CNGA1: variants seen among roughly 807,000 people sequenced by gnomAD.
CNGA1 encodes the protein cyclic nucleotide-gated channel alpha-1.
In CNGA1, 53 loss-of-function variants were observed where a neutral mutation model predicts 69.7. The ratio of observed to expected loss-of-function variants is 0.76; its 90% CI spans 0.61 to 0.96. The LOEUF (loss-of-function observed/expected upper bound fraction) is 0.96. Among genes scored for constraint, CNGA1 ranks in the 40% least tolerant of loss-of-function variants. The probability of loss-of-function intolerance (pLI) is 0.00; values close to 1 mark genes in which losing one functional copy is unlikely to be tolerated. For synonymous variants in CNGA1, 249 were observed against 283.5 expected, an observed-to-expected ratio of 0.88 and a Z score of 1.22; for missense variants, 739 against 811.2, an observed-to-expected ratio of 0.91 and a Z score of 1.08.
rs1972883 is a variant in CNGA1, at chr4:47,949,928, G to A, written c.225-33C>T. ...ATGAAAAACATGCAGTGAAATCACAGTAGTCACCATCTGTATAATGTCCAT... is the reference window on the plus strand; with the variant it reads ...ATGAAAAACATGCAGTGAAATCACAATAGTCACCATCTGTATAATGTCCAT... On this transcript the variant is annotated intron_variant, in intron 5 of 10. Coordinates refer to ENST00000514170, the MANE Select transcript of CNGA1 (RefSeq NM_001379270.1). 1,309,632 of 1,604,472 alleles carry A rather than the reference G, an allele frequency of 0.82. 536,713 individuals carry two copies. Among genetic ancestry groups the A allele is most frequent in the East Asian group, 0.97 (43,620 of 44,816 alleles).
At chr4:48,010,945 AAC>A (rs1455314109) in intron 1 of CNGA1, 52 bp from the exon 2 acceptor site, 1 of 152,358 alleles carries the variant, frequency 6.6e-6, no homozygotes, top group Non-Finnish European at 1.5e-5. Context: ...AATAGAGTGA[AAC>A]ACAGTGAAAA....
chr4:47,943,000 G>A, intron 8 of CNGA1, 181 bp downstream of exon 8: 1 of 523,688 alleles, frequency 1.9e-6, no homozygotes, highest in South Asian at 2.8e-5. Context: ...ATTGGAAAAA[G>A]TTTTAATTCA....
At chr4:47,943,558 T>C in intron 6 of CNGA1, 146 bp from the exon 7 acceptor site, 1 of 525,428 alleles carries the variant, frequency 1.9e-6, no homozygotes, top group Non-Finnish European at 3.3e-6. Flanking sequence ...TGGAGGTTTC[T>C]ACCCCAAAAA....
intron 2 of CNGA1, among the ~76,000 whole-genome samples, chr4:48,004,700 A>G (rs1398268166): frequency 1.3e-5 from 2 of 152,210 alleles, no homozygotes; most frequent in African/African-American, 4.8e-5. Context: ...GAAAATGCAT[A>G]TAGGCCACAC....
chr4:47,938,706 G>A (rs1230549334), intron 10 of CNGA1, among the ~76,000 whole-genome samples: 3 of 151,880 alleles, frequency 2.0e-5, no homozygotes, highest in African/African-American at 7.3e-5. Context: ...TCCATCTTTT[G>A]TTGTGGTATT....
At chr4:48,010,025 T>C (rs3113880) in intron 2 of CNGA1, among the ~76,000 whole-genome samples, 26,684 of 152,096 alleles carry the variant, frequency 0.18, 2,523 homozygotes, top group Middle Eastern at 0.24. Context: ...TTTTCTATCT[T>C]AGACTTTCAG....
chr4:47,991,522 T>C (rs1261795274), intron 2 of CNGA1, among the ~76,000 whole-genome samples: 1 of 152,240 alleles, frequency 6.6e-6, no homozygotes, highest in Non-Finnish European at 1.5e-5. Flanking sequence ...TGTTTGTTTT[T>C]TTCTTGCTGA....
chr4:47,943,456 C>T (rs1444574245), intron 6 of CNGA1, 44 bp from the exon 7 acceptor site: 1 of 1,186,454 alleles, frequency 8.4e-7, no homozygotes, highest in African/African-American at 1.6e-5. Context: ...CACAGTCTTC[C>T]ACTCTTATTT....
intron 2 of CNGA1, among the ~76,000 whole-genome samples, chr4:48,007,682 T>G (rs1260629348): frequency 2.0e-5 from 3 of 151,814 alleles, no homozygotes; most frequent in African/African-American, 4.8e-5. Context: ...AAAAAAAAAT[T>G]TAATCTCAGT....
At chr4:47,981,660 G>A (rs1741720229) in intron 2 of CNGA1, 160 bp from the exon 3 acceptor site, 1 of 152,158 alleles carries the variant, frequency 6.6e-6, no homozygotes, top group Non-Finnish European at 1.5e-5. Flanking sequence ...TTTACACATG[G>A]ATGAAAATAA....
chr4:47,938,732 G>T (rs977370072), intron 10 of CNGA1, among the ~76,000 whole-genome samples: 2 of 151,968 alleles, frequency 1.3e-5, no homozygotes, highest in Admixed American at 6.6e-5. Flanking sequence ...CTTGACCCCA[G>T]TTCCTGAAAC....
intron 3 of CNGA1, among the ~76,000 whole-genome samples, chr4:47,969,659 A>G (rs1578096721): frequency 6.6e-6 from 1 of 152,024 alleles, no homozygotes; most frequent in Non-Finnish European, 1.5e-5. Flanking sequence ...TAGTAGAGAC[A>G]GGGTTTCACC....
intron 2 of CNGA1, among the ~76,000 whole-genome samples, chr4:47,994,969 T>C (rs1328621664): frequency 1.3e-5 from 2 of 152,194 alleles, no homozygotes; most frequent in African/African-American, 4.8e-5. Context: ...AATTGTTGGC[T>C]GATAATTGTT....
At chr4:47,970,252 T>G (rs1740942810) in intron 3 of CNGA1, among the ~76,000 whole-genome samples, 1 of 152,048 alleles carries the variant, frequency 6.6e-6, no homozygotes, top group African/African-American at 2.4e-5. Context: ...AACAGTGACT[T>G]AACGTTGAAG....
rs761166989 is a variant in CNGA1 at position 47,936,818 on chromosome 4, T to C, written c.1664A>G (p.Asn555Ser). ...ACTTTTAATATTGGCCGTTCTTCGA[T>C]TGCCAGCTTTGCTCCCTTTAATGTT... ...ILNIKGSKAG[N>S]RRTANIKSIG... Residue 555 changes from asparagine to serine, a missense_variant, in exon 11 of 11, where the codon AAT becomes AGT. Asn to Ser is a conservative substitution (Grantham distance 46). Coordinates refer to ENST00000514170, the MANE Select transcript of CNGA1 (RefSeq NM_001379270.1). 7 of 1,614,148 alleles carry C rather than the reference T, an allele frequency of 4.3e-6. No homozygotes were observed. In the South Asian group the frequency reaches 5.5e-5, roughly 13 times the overall value.
intron 2 of CNGA1, among the ~76,000 whole-genome samples, chr4:48,003,858 A>G (rs1341559772): frequency 2.0e-5 from 3 of 152,104 alleles, no homozygotes; most frequent in Non-Finnish European, 2.9e-5. Flanking sequence ...AGTGTCAAGG[A>G]AAAACACCTG....
intron 3 of CNGA1, among the ~76,000 whole-genome samples, chr4:47,974,072 A>AT (rs1156438829): frequency 6.7e-5 from 1 of 14,932 alleles, no homozygotes; most frequent in Non-Finnish European, 1.4e-4. Flanking sequence ...TGGTCTCTAG[A>AT]TAGATAGATA....
At chr4:47,997,135 C>A (rs1428416723) in intron 2 of CNGA1, among the ~76,000 whole-genome samples, 3 of 152,126 alleles carry the variant, frequency 2.0e-5, no homozygotes, top group Non-Finnish European at 4.4e-5. Context: ...TACCTGAAGA[C>A]TTTTGCAGAG....
Position 47,937,232 on chromosome 4 carries a change from A to G in CNGA1, c.1250T>C (p.Met417Thr), listed in dbSNP as rs1050696484. Residue 417 changes from methionine (M) to threonine (T), a missense_variant, in exon 11 of 11, where the codon ATG becomes ACG. Met to Thr is a moderately conservative substitution (Grantham distance 81). Transcript: ENST00000514170. ...QARIDAIKQY[M>T]HFRNVSKDME... ...ATCTTTGCTTACATTTCGAAAATGC[A>G]TATATTGCTTGATAGCATCAATTCT... 1.2e-6 allele frequency: 2 copies of G among 1,614,158 alleles called. No homozygotes were observed. Among genetic ancestry groups the G allele is most frequent in the Non-Finnish European group, 1.7e-6 (2 of 1,180,040 alleles).
Sources: allele counts gnomAD v4.1 joint callset (sites outside exome capture counted in the v4.1 genomes callset), GRCh38; gene constraint gnomAD v4.1.1; transcripts MANE v1.5; gene names NCBI Gene and HGNC (gene_info 2026-07-23, HGNC 2026-07-21).